The following ZNF518A variants were observed in gnomAD, a reference collection of about 807,000 sequenced individuals.
ZNF518A encodes the protein zinc finger protein 518A.
Under a neutral mutation model 102.7 loss-of-function variants are expected in ZNF518A, and 47 were observed. The ratio of observed to expected loss-of-function variants is 0.46; its 90% confidence interval spans 0.36 to 0.58. The LOEUF (loss-of-function observed/expected upper bound fraction) is 0.58, where lower values mean the gene tolerates loss of function less well. ZNF518A is among the 20% of genes least tolerant of loss of function. ZNF518A has a pLI of 0.00. For missense variants in ZNF518A, 1,793 were observed against 1,699.8 expected, an observed-to-expected ratio of 1.05 and a Z score of -0.96; for synonymous variants, 652 against 594.6, an observed-to-expected ratio of 1.10 and a Z score of -1.40.
chr10:96,173,463 A>G (rs1554891144), intron 1 of ZNF518A, among the ~76,000 whole-genome samples: 1 of 152,240 alleles, frequency 6.6e-6, no homozygotes, highest in Non-Finnish European at 1.5e-5. Context: ...GGCTGCCATA[A>G]CAAAATACCA....
rs149590334 is a variant in ZNF518A at position 96,201,036 on chromosome 10, T to G, written n.36-2538T>G. The G allele has an allele frequency of 6.8e-5, 109 of 1,614,140 alleles. No homozygotes were observed. The African/African-American group carries it at 1.2e-3, about 18-fold the overall frequency. On this transcript the variant is annotated intron_variant and non_coding_transcript_variant, in intron 1 of 2. Coordinates refer to the ZNF518A transcript ENST00000442635. ...AGCTGGGTAGGGGCCCATCCACAGT[T>G]GGGTTTCCCCCTTCTGTAAATCCTG...
intron 1 of ZNF518A, among the ~76,000 whole-genome samples, chr10:96,186,473 C>G (rs1554892579): frequency 6.6e-6 from 1 of 152,160 alleles, no homozygotes; most frequent in African/African-American, 2.4e-5. Flanking sequence ...TCTTGGCTCA[C>G]TGCAACCTTC....
At chr10:96,146,342 G>A (rs942804397) in intron 3 of ZNF518A, among the ~76,000 whole-genome samples, 3 of 152,104 alleles carry the variant, frequency 2.0e-5, no homozygotes, top group African/African-American at 7.2e-5. Flanking sequence ...CTTTTCTCCA[G>A]ACTCTTTATG....
Position 96,158,884 on chromosome 10 carries a change from T to C in ZNF518A, c.2562T>C (p.Asp854=), listed in dbSNP as rs2082847032. 1.2e-6 allele frequency: 2 copies of C among 1,613,702 alleles called. No homozygotes were observed. The highest frequency in any genetic ancestry group is 1.7e-6 in the Non-Finnish European group (2 of 1,179,716). The part of the protein sequence containing the change: ...GSVGINVPTN[D]LNLKFGKEKQ... ...TGGGTATTAATGTGCCTACAAATGA[T>C]TTGAATTTGAAATTTGGAAAAGAAA... Residue 854 remains aspartate, a synonymous_variant, in exon 6 of 6, where the codon GAT becomes GAC. Coordinates refer to ENST00000316045, the MANE Select transcript of ZNF518A (RefSeq NM_001330736.2).
In ZNF518A at chr10:96,162,185, T is replaced by C. The variant is rs2083026605; in HGVS notation, c.*1411T>C. 6.0e-6 allele frequency: 1 copy of C among 166,972 alleles called. No individual in the cohort carries two copies. The highest frequency in any genetic ancestry group is 2.1e-4 in the South Asian group (1 of 4,834). 10.3% of individuals were successfully genotyped at this position (166,972 alleles called of 1,614,324 possible). ...TCTGTACATATTTTTGTACCTTTTA[T>C]GTAAATTTTGCACAGAAATTTTTGG... On this transcript the variant is annotated 3_prime_UTR_variant, in exon 6 of 6. Transcript: ENST00000316045.
In ZNF518A at chr10:96,184,742, CT is replaced by C. The variant is rs199734830; in HGVS notation, n.36-18830del. Among the ~76,000 whole-genome samples the C allele has an allele frequency of 0.03, 4,604 of 152,200 alleles. 751 individuals carry two copies. The East Asian group carries it at 0.49, about 16-fold the overall frequency. ...CTCTGGCTGCCCTTAACATTTTTTC[CT>C]TCATTTCAACCTTGGTGAATCTGAC... On this transcript the variant is annotated intron_variant and non_coding_transcript_variant, in intron 1 of 2. Transcript: ENST00000442635.
At position 96,156,856 on chromosome 10, in the gene ZNF518A, A is replaced by G. The variant is rs370893632; in HGVS notation, c.534A>G (p.Lys178=). The change falls in exon 6 of 6, where the codon AAA becomes AAG. Residue 178 remains lysine (K), a synonymous_variant. Coordinates refer to ENST00000316045, the MANE Select transcript of ZNF518A (RefSeq NM_001330736.2). ...HRRTHRSTLV[K]CDICNNESVY... The stretch of plus-strand genomic sequence containing the variant: ...GAACCCATAGAAGCACTTTAGTAAA[A>G]TGTGACATTTGTAACAATGAGAGTG... The G allele has an allele frequency of 6.2e-7, 1 of 1,613,752 alleles. No individual in the cohort carries two copies. The highest frequency in any genetic ancestry group is 1.3e-5 in the African/African-American group (1 of 74,942).
chr10:96,189,989 G>T, intron 1 of ZNF518A: 1 of 830,072 alleles, frequency 1.2e-6, no homozygotes, highest in Non-Finnish European at 2.1e-6. Flanking sequence ...CATTTTCAAA[G>T]GTGCCAGTGT....
intron 1 of ZNF518A, chr10:96,189,323 A>C (rs2083294177): frequency 7.8e-6 from 4 of 515,014 alleles, no homozygotes; most frequent in Non-Finnish European, 1.1e-5. Context: ...AAATGAAATA[A>C]GATGGAAAAA....
rs76005516 is a variant in ZNF518A, at chr10:96,131,057, C to T, written c.-453+305C>T. The stretch of plus-strand genomic sequence containing the variant: ...TTTGAGAGCAAGTAGTGTATGTGAG[C>T]TGTTTTAGTGCAAACATTGTTGAGT... On this transcript the variant is annotated intron_variant, in intron 1 of 5. Coordinates refer to ENST00000316045, the MANE Select transcript of ZNF518A (RefSeq NM_001330736.2). Among the ~76,000 whole-genome samples the T allele has an allele frequency of 6.6e-5, 10 of 152,278 alleles. No individual in the cohort carries two copies. In the East Asian group the frequency reaches 1.9e-3, roughly 29 times the overall value.
Position 96,161,123 on chromosome 10 carries a change from T to G in ZNF518A, c.*349T>G. ...TAGAGGGTAATGGCTGACACCCCCA[T>G]TCCCTCTCTTCTTCCACCAGCCTTA... is the stretch of plus-strand genomic sequence containing the variant. On this transcript the variant is annotated 3_prime_UTR_variant, in exon 6 of 6. Coordinates refer to ENST00000316045, the MANE Select transcript of ZNF518A (RefSeq NM_001330736.2). 2.2e-5 allele frequency: 4 copies of G among 179,358 alleles called. No individual in the cohort carries two copies. The highest frequency in any genetic ancestry group is 5.2e-5 in the Non-Finnish European group (4 of 76,744). The allele number at this position is 179,358 out of a possible 1,614,324, so 11.1% of individuals were successfully genotyped here.
intron 1 of ZNF518A, among the ~76,000 whole-genome samples, chr10:96,179,688 C>T (rs1402193032): frequency 6.6e-6 from 1 of 152,088 alleles, no homozygotes; most frequent in Non-Finnish European, 1.5e-5. Flanking sequence ...TACTGACAGA[C>T]ATACAGCAGG....
rs1554886987 is a variant in ZNF518A, at chr10:96,160,205, T to C, written c.3883T>C (p.Leu1295=). Residue 1295 remains leucine (L), a synonymous_variant, in exon 6 of 6, where the codon TTG becomes CTG. Transcript: ENST00000316045. ...AGAACCTCCAAGAAGAAAAGCAACA[T>C]TGCATAGAAAGTGTAAAGAAAAGGC... The part of the protein sequence containing the change: ...YQEPPRRKAT[L]HRKCKEKAKP... 1 of 1,611,014 alleles carries C rather than the reference T, an allele frequency of 6.2e-7. No homozygotes were observed. Among genetic ancestry groups the C allele is most frequent in the South Asian group, 1.1e-5 (1 of 90,580 alleles).
intron 1 of ZNF518A, among the ~76,000 whole-genome samples, chr10:96,176,929 T>G (rs1554891544): frequency 6.6e-6 from 1 of 151,726 alleles, no homozygotes; most frequent in African/African-American, 2.4e-5. Context: ...TAAAAACAAC[T>G]TAGCTAGGTG....
downstream of ZNF518A, chr10:96,204,272 T>G (rs1004811551): frequency 6.5e-6 from 5 of 768,530 alleles, no homozygotes; most frequent in African/African-American, 1.8e-5. Context: ...CTCTTCCTTT[T>G]AGTTTTGAAA....
At chr10:96,145,109 G>A (rs2082112555) in intron 3 of ZNF518A, among the ~76,000 whole-genome samples, 3 of 139,460 alleles carry the variant, frequency 2.2e-5, no homozygotes, top group Admixed American at 2.1e-4. Flanking sequence ...TCGCTCTGTC[G>A]CCCAGGCTGG....
intron 1 of ZNF518A, among the ~76,000 whole-genome samples, chr10:96,171,170 A>G (rs1046178988): frequency 3.4e-4 from 52 of 152,204 alleles, no homozygotes; most frequent in African/African-American, 1.1e-3. Flanking sequence ...TGTGGCCCAG[A>G]GCTGCTTCTC....
At chr10:96,169,530 TC>T (rs1396467942) in intron 1 of ZNF518A, among the ~76,000 whole-genome samples, 4 of 152,216 alleles carry the variant, frequency 2.6e-5, no homozygotes, top group Non-Finnish European at 4.4e-5. Context: ...ATAATTTCTA[TC>T]CCTTTATTGA....
At chr10:96,148,263 A>G (rs2082261391) in intron 3 of ZNF518A, among the ~76,000 whole-genome samples, 1 of 152,136 alleles carries the variant, frequency 6.6e-6, no homozygotes, top group Non-Finnish European at 1.5e-5. Flanking sequence ...CAACACGGAG[A>G]AACCATGTCT....
Sources: gnomAD v4.1 joint callset for allele counts (sites outside exome capture counted in the v4.1 genomes callset) on GRCh38, gnomAD v4.1.1 for gene constraint, MANE v1.5 for transcripts, NCBI Gene and HGNC (gene_info 2026-07-23, HGNC 2026-07-21) for gene names.